The following ZNF18 variants were observed in gnomAD, a reference collection of about 807,000 sequenced individuals.
The protein encoded by ZNF18 is zinc finger protein 18, also known as heart development-specific gene 1 protein.
In ZNF18, 42 loss-of-function variants were observed where a neutral mutation model predicts 58.1. The ratio of observed to expected loss-of-function variants is 0.72; its 90% CI spans 0.56 to 0.93. The LOEUF is 0.93. ZNF18 is among the 40% of genes least tolerant of loss of function. The probability of loss-of-function intolerance (pLI) is 0.00; values close to 1 mark genes in which losing one functional copy is unlikely to be tolerated. For synonymous variants in ZNF18, 231 were observed against 239.8 expected, an observed-to-expected ratio of 0.96 and a Z score of 0.34; for missense variants, 540 against 644.2, an observed-to-expected ratio of 0.84 and a Z score of 1.75.
In ZNF18 at chr17:11,992,733, C is replaced by A; in HGVS notation, c.97G>T (p.Glu33Ter). 6.2e-7 allele frequency: 1 copy of A among 1,614,236 alleles called. No homozygotes were observed. Among genetic ancestry groups the A allele is most frequent in the Non-Finnish European group, 8.5e-7 (1 of 1,180,058 alleles). The change falls in exon 2 of 7, where the codon GAA (glutamate) becomes TAA (stop). Residue 33 changes from glutamate (E) to a stop codon, truncating the protein, a stop_gained. Coordinates refer to ENST00000580306, the MANE Select transcript of ZNF18 (RefSeq NM_001303281.2). LOFTEE classifies it high-confidence loss of function. ...FSESDAALQE[E>*]LSSPETARQL... Reference sequence around the variant, plus strand: ...CGTGCGGTCTCAGGGCTGGAGAGTTCCTCTTGAAGGGCAGCATCTGATTCT... The same window carrying A: ...CGTGCGGTCTCAGGGCTGGAGAGTTACTCTTGAAGGGCAGCATCTGATTCT...
In ZNF18 at chr17:11,990,498, C is replaced by T. The variant is rs140436834; in HGVS notation, c.630G>A (p.Gln210=). ...CTGGGAGCAGTGAGGCTCCGAGGTC[C>T]TGGTCTCTGATCAGCCTTTCCTCCA... ...ARLEERLIRD[Q]DLGASLLPAA... Residue 210 remains glutamine (Q), a synonymous_variant, in exon 4 of 7, where the codon CAG becomes CAA. Coordinates refer to ENST00000580306, the MANE Select transcript of ZNF18 (RefSeq NM_001303281.2). 1.4e-5 allele frequency: 23 copies of T among 1,612,950 alleles called. No homozygotes were observed. The African/African-American group carries it at 2.8e-4, about 20-fold the overall frequency.
At chr17:11,995,059 T>A (rs1451420110) in intron 1 of ZNF18, among the ~76,000 whole-genome samples, 1 of 152,136 alleles carries the variant, frequency 6.6e-6, no homozygotes, top group East Asian at 1.9e-4. Context: ...CTTGCAACCG[T>A]AATCCAATAC....
At chr17:12,015,320 C>T in the ZNF18 span, among the ~76,000 whole-genome samples, 1 of 152,094 alleles carries the variant, frequency 6.6e-6, no homozygotes, top group Non-Finnish European at 1.5e-5. Flanking sequence ...CATGTGAGGC[C>T]CTTTCTTGGC....
chr17:11,978,285 C>T lies in ZNF18; in HGVS notation c.1322G>A (p.Cys441Tyr). Residue 441 changes from cysteine (C) to tyrosine (Y), a missense_variant, in exon 7 of 7, where the codon TGC becomes TAC. Physicochemically the swap from Cys to Tyr is radical, Grantham distance 194. Coordinates refer to ENST00000580306, the MANE Select transcript of ZNF18 (RefSeq NM_001303281.2). ...TGAACTCCGCAGAAAGGCTTTTTTG[C>T]AGATGGTGCACTGAAAGTATGTCTC... Reference protein sequence around the residue: ...TGETYFQCTICKKAFLRSSDF... With the variant: ...TGETYFQCTIYKKAFLRSSDF... The T allele has an allele frequency of 6.2e-7, 1 of 1,606,234 alleles. No individual in the cohort carries two copies. Among genetic ancestry groups the T allele is most frequent in the Non-Finnish European group, 8.5e-7 (1 of 1,177,030 alleles).
At chr17:11,995,131 G>C (rs1443386952) in intron 1 of ZNF18, among the ~76,000 whole-genome samples, 3 of 151,886 alleles carry the variant, frequency 2.0e-5, no homozygotes, top group African/African-American at 4.8e-5. Context: ...ACCCAGGTCT[G>C]AGCGCAGTGG....
At position 11,997,467 on chromosome 17, in the gene ZNF18, G is replaced by A. The variant is rs532821961; in HGVS notation, c.-119C>T. 19 of 152,394 alleles carry A rather than the reference G, an allele frequency of 1.2e-4. No individual in the cohort carries two copies. The highest frequency in any genetic ancestry group is 4.6e-4 in the African/African-American group (19 of 41,584). 9.4% of individuals were successfully genotyped at this position (152,394 alleles called of 1,614,324 possible). On this transcript the variant is annotated 5_prime_UTR_variant, in exon 1 of 7. Transcript: ENST00000580306. ...GCGCCGGCTCCGGGCGCACTTCCGG[G>A]AGCTGGGTGGCTGCGCGCGCCTCAG...
chr17:12,007,862 T>A, the ZNF18 span, among the ~76,000 whole-genome samples: 1 of 152,050 alleles, frequency 6.6e-6, no homozygotes, highest in East Asian at 1.9e-4. Context: ...TGGTGACACG[T>A]CTGTCACTGC....
chr17:12,002,505 A>G, the ZNF18 span: 16 of 152,290 alleles, frequency 1.1e-4, no homozygotes, highest in African/African-American at 3.1e-4. Context: ...CTTTGTTCCC[A>G]TTGTAGAGAT....
At chr17:12,007,454 C>A in the ZNF18 span, among the ~76,000 whole-genome samples, 2 of 152,172 alleles carry the variant, frequency 1.3e-5, no homozygotes, top group Non-Finnish European at 2.9e-5. Flanking sequence ...ACTTTGACCC[C>A]TTGTTAGCTG....
At chr17:12,017,694 A>G in the ZNF18 span, among the ~76,000 whole-genome samples, 3 of 151,994 alleles carry the variant, frequency 2.0e-5, no homozygotes, top group African/African-American at 7.3e-5. Context: ...CCTGAACAAT[A>G]TGGTGAAACC....
intron 5 of ZNF18, 119 bp downstream of exon 5, chr17:11,983,993 TA>T: frequency 1.2e-6 from 1 of 831,956 alleles, no homozygotes. Context: ...ACTGTGTCCC[TA>T]ACGATTTCTT....
Position 11,991,141 on chromosome 17 carries a change from T to C in ZNF18, c.410A>G (p.Gln137Arg). Reference sequence around the variant, plus strand: ...TTCCATCTTCTCTGATAAGATGTCCTGTCCTAGAACCTGGATACTGATCTA... The same window carrying C: ...TTCCATCTTCTCTGATAAGATGTCCCGTCCTAGAACCTGGATACTGATCTA... ...WQWISIQVLGQDILSEKMESP... is the reference protein window; with the variant it reads ...WQWISIQVLGRDILSEKMESP... The change falls in exon 3 of 7, where the codon CAG (glutamine) becomes CGG (arginine). Residue 137 changes from glutamine to arginine, a missense_variant. Coordinates refer to ENST00000580306, the MANE Select transcript of ZNF18 (RefSeq NM_001303281.2). 6.2e-7 allele frequency: 1 copy of C among 1,614,196 alleles called. No individual in the cohort carries two copies. The highest frequency in any genetic ancestry group is 1.7e-4 in the Middle Eastern group (1 of 6,060).
At chr17:12,000,595 A>G (rs917925526), upstream of ZNF18, among the ~76,000 whole-genome samples, 5 of 152,150 alleles carry the variant, frequency 3.3e-5, no homozygotes, top group African/African-American at 1.2e-4. Flanking sequence ...GTAATATACA[A>G]ACTGGCACCT....
chr17:12,000,464 T>G (rs1327601891), upstream of ZNF18, among the ~76,000 whole-genome samples: 1 of 152,116 alleles, frequency 6.6e-6, no homozygotes, highest in Non-Finnish European at 1.5e-5. Context: ...ATCCTAGCAC[T>G]TTGGGAGGCC....
At chr17:11,988,879 C>A (rs904362729) in intron 4 of ZNF18, among the ~76,000 whole-genome samples, 1 of 152,022 alleles carries the variant, frequency 6.6e-6, no homozygotes, top group Admixed American at 6.6e-5. Flanking sequence ...GCCAAGCAGG[C>A]CGGGCATGGT....
the ZNF18 span, among the ~76,000 whole-genome samples, chr17:12,009,911 T>C: frequency 6.6e-6 from 1 of 152,202 alleles, no homozygotes; most frequent in Non-Finnish European, 1.5e-5. Context: ...ATTTGTGAGA[T>C]GGTAGAAAAA....
chr17:12,010,897 C>T, the ZNF18 span: 1 of 524,022 alleles, frequency 1.9e-6, no homozygotes, highest in South Asian at 2.2e-5. Flanking sequence ...AATTTTCCTT[C>T]ACTTGTTTCA....
At chr17:12,001,903 C>CA (rs1391798739), upstream of ZNF18, among the ~76,000 whole-genome samples, 1 of 151,088 alleles carries the variant, frequency 6.6e-6, no homozygotes, top group African/African-American at 2.4e-5. Flanking sequence ...ACATGCACTC[C>CA]AAAATTCAGA....
At chr17:12,011,948 C>T in the ZNF18 span, among the ~76,000 whole-genome samples, 1 of 152,228 alleles carries the variant, frequency 6.6e-6, no homozygotes, top group Non-Finnish European at 1.5e-5. Context: ...ATCTGCCCAC[C>T]TCAGCCTCCC....
Sources: gnomAD v4.1 joint callset for allele counts (sites outside exome capture counted in the v4.1 genomes callset) on GRCh38, gnomAD v4.1.1 for gene constraint, MANE v1.5 for transcripts, NCBI Gene and HGNC (gene_info 2026-07-23, HGNC 2026-07-21) for gene names.